PCDHGA6: variants seen among roughly 807,000 people sequenced by gnomAD.
PCDHGA6 encodes protocadherin gamma-A6.
PCDHGA6 carries 41 observed loss-of-function variants against 60.6 expected under a neutral mutation model. The observed-to-expected ratio is 0.68, with a 90% CI of 0.53 to 0.88. The LOEUF (loss-of-function observed/expected upper bound fraction) is 0.88. PCDHGA6 is among the 40% of genes least tolerant of loss of function. The probability of loss-of-function intolerance (pLI) is 0.00; values close to 1 mark genes in which losing one functional copy is unlikely to be tolerated. For synonymous variants in PCDHGA6, 594 were observed against 524.4 expected (o/e 1.13, Z -1.81); for missense variants, 1,312 against 1,203.0 (o/e 1.09, Z -1.34).
chr5:141,423,061 G>T, intron 1 of PCDHGA6: 2 of 1,614,160 alleles, frequency 1.2e-6, no homozygotes, highest in Non-Finnish European at 1.7e-6. Context: ...CCTGCTTAAG[G>T]CCAGCGAGCC....
chr5:141,415,432 T>G, intron 1 of PCDHGA6: 1 of 1,614,222 alleles, frequency 6.2e-7, no homozygotes, highest in East Asian at 2.2e-5. Flanking sequence ...GGTTCGGGCT[T>G]TCCTGCAGAC....
In PCDHGA6 at chr5:141,485,457, T is replaced by G; in HGVS notation, c.2425-9350T>G. 1 of 1,614,124 alleles carries G rather than the reference T, an allele frequency of 6.2e-7. No individual in the cohort carries two copies. Among genetic ancestry groups the G allele is most frequent in the Non-Finnish European group, 8.5e-7 (1 of 1,180,020 alleles). On this transcript the variant is annotated intron_variant, in intron 1 of 3. Coordinates refer to ENST00000517434, the MANE Select transcript of PCDHGA6 (RefSeq NM_018919.3). This position sits in a 1 kb window ranked among gnomAD's most constrained non-coding sequence, Gnocchi z 5.7. ...AAGAACCCAATCGACCGAGAGGCAC[T>G]GTGTGGGCTCAGTGCCAGCTGCATC...
At chr5:141,455,270 A>T (rs2098818132) in intron 1 of PCDHGA6, among the ~76,000 whole-genome samples, 1 of 151,958 alleles carries the variant, frequency 6.6e-6, no homozygotes, top group South Asian at 2.1e-4. Context: ...CTTCCCATTG[A>T]TTATTAACAT....
chr5:141,413,150 T>C, intron 1 of PCDHGA6: 1 of 1,573,292 alleles, frequency 6.4e-7, no homozygotes. Context: ...AGTGAGGACT[T>C]TGCAGAATTC....
rs111263562 is a variant in PCDHGA6, at chr5:141,487,812, T to C, written c.2425-6995T>C. The C allele has an allele frequency of 1.1e-4, 148 of 1,408,204 alleles. 1 individual carries two copies. Among genetic ancestry groups the C allele is most frequent in the South Asian group, 1.6e-4 (12 of 73,988 alleles). The allele number at this position is 1,408,204 out of a possible 1,614,324, so 87.2% of individuals were successfully genotyped here. On this transcript the variant is annotated intron_variant, in intron 1 of 3. Coordinates refer to ENST00000517434, the MANE Select transcript of PCDHGA6 (RefSeq NM_018919.3). The surrounding 1 kb of genome is among the most constrained non-coding windows in gnomAD (Gnocchi z 5.0). ...TAACCAGAGTTGTCACAGTTTAGCA[T>C]TGGGGGCGGGTCATGCCTATATCTG...
At chr5:141,400,008 C>A (rs1395195387) in intron 1 of PCDHGA6, 1 of 1,612,692 alleles carries the variant, frequency 6.2e-7, no homozygotes, top group South Asian at 1.1e-5. Flanking sequence ...CAGCGCGTGC[C>A]TTGGGCGACA....
In PCDHGA6 at chr5:141,505,470, C is replaced by T. The variant is rs1241228956; in HGVS notation, c.2561C>T (p.Ala854Val). Reference protein sequence around the residue: ...DTEMLQAMILASASEAADGSS... With the variant: ...DTEMLQAMILVSASEAADGSS... ...GAGATGCTGCAAGCCATGATCTTGG[C>T]GTCCGCCAGTGGTAAGTGGTGTCAG... The change falls in exon 3 of 4, where the codon GCG becomes GTG. Residue 854 changes from alanine (A) to valine (V), a missense_variant. By Grantham distance (64) the Ala-to-Val change is moderately conservative. Transcript: ENST00000517434. 2 of 1,614,068 alleles carry T rather than the reference C, an allele frequency of 1.2e-6. No individual in the cohort carries two copies. Among genetic ancestry groups the T allele is most frequent in the Non-Finnish European group, 8.5e-7 (1 of 1,180,010 alleles).
chr5:141,435,334 T>A (rs1223377462), intron 1 of PCDHGA6, among the ~76,000 whole-genome samples: 1 of 152,196 alleles, frequency 6.6e-6, no homozygotes, highest in African/African-American at 2.4e-5. Flanking sequence ...ATATAGTGAA[T>A]TTATTTCTTC....
chr5:141,487,802 C>T lies in PCDHGA6; in HGVS notation c.2425-7005C>T, dbSNP rs765438219. The T allele has an allele frequency of 9.5e-6, 14 of 1,477,306 alleles. No individual in the cohort carries two copies. The South Asian group carries it at 1.7e-4, about 18-fold the overall frequency. 91.5% of individuals were successfully genotyped at this position (1,477,306 alleles called of 1,614,324 possible). A position where few individuals can be genotyped will look rare whatever the true frequency, so the allele number is the denominator to read the frequency against. ...TTTCGTGAATTAACCAGAGTTGTCACAGTTTAGCATTGGGGGCGGGTCATG... is the reference window on the plus strand; with the variant it reads ...TTTCGTGAATTAACCAGAGTTGTCATAGTTTAGCATTGGGGGCGGGTCATG... On this transcript the variant is annotated intron_variant, in intron 1 of 3. Transcript: ENST00000517434. The surrounding 1 kb of genome is among the most constrained non-coding windows in gnomAD (Gnocchi z 5.0).
chr5:141,418,396 A>G lies in PCDHGA6; in HGVS notation c.2424+41889A>G, dbSNP rs139206858. 4.9e-3 allele frequency: 7,975 copies of G among 1,613,844 alleles called. 44 individuals are homozygous for G. The highest frequency in any genetic ancestry group is 9.4e-3 in the Admixed American group (567 of 60,030). On this transcript the variant is annotated intron_variant, in intron 1 of 3. Coordinates refer to ENST00000517434, the MANE Select transcript of PCDHGA6 (RefSeq NM_018919.3). Reference sequence around the variant, plus strand: ...AACTAAGTCCTAACGAGTATTTCTCATTGGTGGAGAAAGACAATCCTGATG... The same window carrying G: ...AACTAAGTCCTAACGAGTATTTCTCGTTGGTGGAGAAAGACAATCCTGATG...
In PCDHGA6 at chr5:141,494,849, A is replaced by C; in HGVS notation, c.2467A>C (p.Arg823=). ...NTDWRFSQAQ[R]PGTSGSQNGD... ...GGACTGGCGTTTCTCTCAGGCCCAG[A>C]GACCCGGCACCAGCGGGTAGGTGAC... Residue 823 remains arginine, a synonymous_variant, in exon 2 of 4, where the codon AGA becomes CGA. Transcript: ENST00000517434. 1 of 1,614,102 alleles carries C rather than the reference A, an allele frequency of 6.2e-7. No individual in the cohort carries two copies. Among genetic ancestry groups the C allele is most frequent in the Non-Finnish European group, 8.5e-7 (1 of 1,180,014 alleles).
chr5:141,477,642 A>G lies in PCDHGA6; in HGVS notation c.2425-17165A>G, dbSNP rs767152121. On this transcript the variant is annotated intron_variant, in intron 1 of 3. Transcript: ENST00000517434. The surrounding 1 kb of genome is among the most constrained non-coding windows in gnomAD (Gnocchi z 4.9). ...GCTGAAACCGGGCTAGTGGGTCGCT[A>G]TTTCACAATAAATCGTGACAATGGC... 9 of 1,614,136 alleles carry G rather than the reference A, an allele frequency of 5.6e-6. No individual in the cohort carries two copies. Among genetic ancestry groups the G allele is most frequent in the Non-Finnish European group, 7.6e-6 (9 of 1,180,022 alleles).
chr5:141,416,101 C>CT (rs34144584), intron 1 of PCDHGA6: 1 of 158,972 alleles, frequency 6.3e-6, no homozygotes, highest in Non-Finnish European at 1.4e-5. Context: ...GGCAATAGGC[C>CT]TTTTTCAAAC....
At chr5:141,435,447 A>C (rs2097764160) in intron 1 of PCDHGA6, among the ~76,000 whole-genome samples, 1 of 152,168 alleles carries the variant, frequency 6.6e-6, no homozygotes, top group Non-Finnish European at 1.5e-5. Context: ...CATTAATACG[A>C]TATCTGTATG....
Position 141,490,888 on chromosome 5 carries a change from C to G in PCDHGA6, c.2425-3919C>G. The G allele has an allele frequency of 1.2e-6, 2 of 1,613,358 alleles. No individual in the cohort carries two copies. The highest frequency in any genetic ancestry group is 1.7e-6 in the Non-Finnish European group (2 of 1,179,390). On this transcript the variant is annotated intron_variant, in intron 1 of 3. Transcript: ENST00000517434. This position sits in a 1 kb window ranked among gnomAD's most constrained non-coding sequence, Gnocchi z 5.4. Reference sequence around the variant, plus strand: ...TCCCCCATTGCATGCCAACACATCTCTGCATGTGTTTGTCCTAGACGAGAA... The same window carrying G: ...TCCCCCATTGCATGCCAACACATCTGTGCATGTGTTTGTCCTAGACGAGAA...
chr5:141,393,744 G>T (rs770821376), intron 1 of PCDHGA6: 3 of 1,613,868 alleles, frequency 1.9e-6, no homozygotes, highest in South Asian at 2.2e-5. Context: ...AGATTATGAA[G>T]AATGTTCATT....
Position 141,485,778 on chromosome 5 carries a change from G to T in PCDHGA6, c.2425-9029G>T. The T allele has an allele frequency of 6.2e-7, 1 of 1,614,216 alleles. No individual in the cohort carries two copies. Among genetic ancestry groups the T allele is most frequent in the Admixed American group, 1.7e-5 (1 of 60,028 alleles). ...CTGCTCCTGGAGAAGCCTTTGGATC[G>T]AGAGAAGCAATCGGACTACCGCCTG... is the stretch of plus-strand genomic sequence containing the variant. On this transcript the variant is annotated intron_variant, in intron 1 of 3. Coordinates refer to ENST00000517434, the MANE Select transcript of PCDHGA6 (RefSeq NM_018919.3). The surrounding 1 kb of genome is among the most constrained non-coding windows in gnomAD (Gnocchi z 5.7).
At position 141,431,213 on chromosome 5, in the gene PCDHGA6, T is replaced by A; in HGVS notation, c.2424+54706T>A. 6.2e-7 allele frequency: 1 copy of A among 1,614,142 alleles called. No individual in the cohort carries two copies. The highest frequency in any genetic ancestry group is 8.5e-7 in the Non-Finnish European group (1 of 1,180,038). On this transcript the variant is annotated intron_variant, in intron 1 of 3. Coordinates refer to ENST00000517434, the MANE Select transcript of PCDHGA6 (RefSeq NM_018919.3). The surrounding 1 kb of genome is among the most constrained non-coding windows in gnomAD (Gnocchi z 4.8). ...TGAAAATGCAGCCACTGAGATGCGG[T>A]TCCCTCTACCCCACGCCTGGGATCC...
In PCDHGA6 at chr5:141,432,002, G is replaced by A. The variant is rs781525225; in HGVS notation, c.2424+55495G>A. On this transcript the variant is annotated intron_variant, in intron 1 of 3. Transcript: ENST00000517434. This position sits in a 1 kb window ranked among gnomAD's most constrained non-coding sequence, Gnocchi z 6.0. ...AGACATAGTCTTGGATAGGGAACAG[G>A]TTCCTAGCTACAACATCACAGTGAC... The A allele has an allele frequency of 1.9e-6, 3 of 1,614,186 alleles. No homozygotes were observed. In the South Asian group the frequency reaches 3.3e-5, roughly 18 times the overall value.
Sources: gnomAD v4.1 joint callset for allele counts (sites outside exome capture counted in the v4.1 genomes callset) on GRCh38, gnomAD v4.1.1 for gene constraint, Gnocchi (gnomAD v3.1) non-coding constraint, MANE v1.5 for transcripts, NCBI Gene and HGNC (gene_info 2026-07-23, HGNC 2026-07-21) for gene names.